The following SLMAP variants were observed in gnomAD, a reference collection of about 807,000 sequenced individuals.
SLMAP encodes sarcolemma associated protein, also known as sarcolemmal membrane-associated protein.
SLMAP carries 44 observed loss-of-function variants against 128.8 expected under a neutral mutation model. The observed-to-expected ratio is 0.34, with a 90% CI of 0.27 to 0.44. The LOEUF is 0.44. Ranked by LOEUF, SLMAP falls within the 20% of genes least tolerant of loss-of-function variation. SLMAP has a pLI of 1.00. For missense variants in SLMAP, 787 were observed against 985.3 expected (o/e 0.80, Z 2.69); for synonymous variants, 327 against 348.8 (o/e 0.94, Z 0.70).
At chr3:57,841,232 T>G in intron 3 of SLMAP, 67 bp from the exon 4 acceptor site, 1 of 890,170 alleles carries the variant, frequency 1.1e-6, no homozygotes, top group Non-Finnish European at 1.8e-6. Flanking sequence ...TGTTTACATA[T>G]GAGAGGTGTG....
intron 19 of SLMAP, among the ~76,000 whole-genome samples, chr3:57,911,763 G>A (rs988927283): frequency 3.3e-5 from 5 of 151,914 alleles, no homozygotes; most frequent in African/African-American, 1.2e-4. Flanking sequence ...GCAGAGTAAA[G>A]AGCCAGAGAA....
chr3:57,889,876 TC>T lies in SLMAP; in HGVS notation c.1301-163del, dbSNP rs1284592067. 5 of 529,824 alleles carry T rather than the reference TC, an allele frequency of 9.4e-6. No homozygotes were observed. The Admixed American group carries it at 1.6e-4, about 17-fold the overall frequency. 32.8% of individuals were successfully genotyped at this position (529,824 alleles called of 1,614,324 possible). On this transcript the variant is annotated intron_variant, in intron 14 of 24. Coordinates refer to ENST00000671191, the MANE Select transcript of SLMAP (RefSeq NM_001377540.1). ...ATTAACGTGATTGCTCCGTCATAGT[TC>T]CAGTTCTCTTAGTTCCCCTTCCAGA...
intron 22 of SLMAP, chr3:57,917,651 C>A (rs2096839377): frequency 6.5e-6 from 1 of 154,450 alleles, no homozygotes; most frequent in African/African-American, 2.4e-5. Context: ...GTGTTGAAGT[C>A]ATAACAGTTG....
At chr3:57,925,403 A>C (rs1027744419) in intron 23 of SLMAP, among the ~76,000 whole-genome samples, 2 of 148,246 alleles carry the variant, frequency 1.3e-5, no homozygotes. Context: ...CTCTCAGCTC[A>C]CTGCAACCTC....
chr3:57,906,674 A>AAAT (rs1338436689), intron 17 of SLMAP, among the ~76,000 whole-genome samples: 1 of 67,470 alleles, frequency 1.5e-5, no homozygotes, highest in African/African-American at 5.3e-5. Flanking sequence ...ATGAAAAAAA[A>AAAT]ATATATATAT....
At position 57,857,912 on chromosome 3, in the gene SLMAP, CAA is replaced by C. The variant is rs1189877683; in HGVS notation, c.615+86_615+87del. On this transcript the variant is annotated intron_variant, in intron 7 of 24. Coordinates refer to ENST00000671191, the MANE Select transcript of SLMAP (RefSeq NM_001377540.1). The stretch of plus-strand genomic sequence containing the variant: ...GTTAAATAAACTAAAATGTAGCAAA[CAA>C]AGACAAAGTTATTTCCTAACTAATG... 1.9e-5 allele frequency: 19 copies of C among 1,026,552 alleles called. No individual in the cohort carries two copies. The African/African-American group carries it at 3.1e-4, about 17-fold the overall frequency. The allele number at this position is 1,026,552 out of a possible 1,614,324, so 63.6% of individuals were successfully genotyped here.
At chr3:57,923,427 G>A (rs933524182) in intron 23 of SLMAP, among the ~76,000 whole-genome samples, 4 of 152,136 alleles carry the variant, frequency 2.6e-5, no homozygotes, top group Admixed American at 6.5e-5. Flanking sequence ...TACCAATAAT[G>A]TTCTCACTGA....
intron 5 of SLMAP, among the ~76,000 whole-genome samples, chr3:57,848,335 C>T (rs1276306978): frequency 6.6e-6 from 1 of 150,914 alleles, no homozygotes; most frequent in Admixed American, 6.6e-5. Flanking sequence ...TTCTCCTCCT[C>T]CTGTTTCTTC....
intron 2 of SLMAP, among the ~76,000 whole-genome samples, chr3:57,829,008 C>T (rs1156422245): frequency 2.0e-5 from 3 of 152,006 alleles, no homozygotes; most frequent in Non-Finnish European, 2.9e-5. Flanking sequence ...GTCTTGAACT[C>T]CTGGGCTCAA....
intron 13 of SLMAP, among the ~76,000 whole-genome samples, chr3:57,870,077 G>A (rs1464076262): frequency 6.6e-6 from 1 of 151,922 alleles, no homozygotes; most frequent in Non-Finnish European, 1.5e-5. Flanking sequence ...GTAATGGTAG[G>A]ATGTCCCTCT....
At position 57,929,439 on chromosome 3, in the gene SLMAP, A is replaced by T. The variant is rs1160815594; in HGVS notation, c.*2150A>T. ...TTTAAATGTAAGGTCTAGTATCAAT[A>T]TTTACTTCATTCAAGTGGAATAAAT... is the stretch of plus-strand genomic sequence containing the variant. On this transcript the variant is annotated 3_prime_UTR_variant, in exon 25 of 25. Coordinates refer to ENST00000671191, the MANE Select transcript of SLMAP (RefSeq NM_001377540.1). Among the ~76,000 whole-genome samples, 1 of 152,186 alleles carries T rather than the reference A, an allele frequency of 6.6e-6. No homozygotes were observed. Among genetic ancestry groups the T allele is most frequent in the East Asian group, 1.9e-4 (1 of 5,198 alleles).
chr3:57,776,758 C>G (rs556054489), intron 2 of SLMAP, among the ~76,000 whole-genome samples: 2 of 152,060 alleles, frequency 1.3e-5, no homozygotes, highest in South Asian at 4.1e-4. Context: ...CTCCTGACCT[C>G]AGGTGATCCA....
At chr3:57,882,407 A>G (rs1274559984) in intron 14 of SLMAP, among the ~76,000 whole-genome samples, 2 of 152,234 alleles carry the variant, frequency 1.3e-5, no homozygotes, top group Non-Finnish European at 2.9e-5. Flanking sequence ...CTGAACAGAT[A>G]TGGGACTAAG....
chr3:57,891,524 G>C (rs2096069421), intron 15 of SLMAP, among the ~76,000 whole-genome samples: 1 of 150,924 alleles, frequency 6.6e-6, no homozygotes, highest in Non-Finnish European at 1.5e-5. Flanking sequence ...TTTATTGGAA[G>C]TTTTAAAGAA....
intron 2 of SLMAP, among the ~76,000 whole-genome samples, chr3:57,813,142 C>G (rs2091290611): frequency 6.9e-6 from 1 of 145,302 alleles, no homozygotes; most frequent in Admixed American, 7.0e-5. Flanking sequence ...GTTGCCCAGG[C>G]TGGAGCGCAG....
At chr3:57,819,467 TG>T (rs1485290275) in intron 2 of SLMAP, among the ~76,000 whole-genome samples, 12 of 152,212 alleles carry the variant, frequency 7.9e-5, no homozygotes, top group African/African-American at 2.9e-4. Context: ...AAATTCTTTG[TG>T]TGTGGGCAGG....
At chr3:57,855,997 C>T (rs1262870776) in intron 6 of SLMAP, among the ~76,000 whole-genome samples, 1 of 151,562 alleles carries the variant, frequency 6.6e-6, no homozygotes, top group African/African-American at 2.4e-5. Flanking sequence ...GAGCCAAGAT[C>T]GCGCCATTGC....
chr3:57,889,405 T>C (rs958261085), intron 14 of SLMAP, among the ~76,000 whole-genome samples: 1 of 152,096 alleles, frequency 6.6e-6, no homozygotes, highest in Non-Finnish European at 1.5e-5. Flanking sequence ...AATGAATAAA[T>C]TGAAGGAGAC....
chr3:57,779,019 A>G (rs2082471753), intron 2 of SLMAP, among the ~76,000 whole-genome samples: 1 of 152,128 alleles, frequency 6.6e-6, no homozygotes, highest in Non-Finnish European at 1.5e-5. Flanking sequence ...AGGATTTTTC[A>G]TAATAGCAAA....
Sources: allele counts gnomAD v4.1 joint callset (sites outside exome capture counted in the v4.1 genomes callset), GRCh38; gene constraint gnomAD v4.1.1; transcripts MANE v1.5; gene names NCBI Gene and HGNC (gene_info 2026-07-23, HGNC 2026-07-21).